Variants in RPTOR observed in about 807,000 individuals in gnomAD.
RPTOR encodes the protein regulatory associated protein of MTOR complex 1.
Under a neutral mutation model 169.9 loss-of-function variants are expected in RPTOR, and 21 were observed. That is an observed-to-expected ratio of 0.12 (90% CI 0.09 to 0.18). The LOEUF (loss-of-function observed/expected upper bound fraction) is 0.18. Ranked by LOEUF, RPTOR falls within the 10% of genes least tolerant of loss-of-function variation. RPTOR has a pLI of 1.00. For synonymous variants in RPTOR, 732 were observed against 753.2 expected, an observed-to-expected ratio of 0.97 and a Z score of 0.46; for missense variants, 1,133 against 1,855.9, an observed-to-expected ratio of 0.61 and a Z score of 7.16.
chr17:80,591,385 CTT>C (rs1006797112), intron 1 of RPTOR, among the ~76,000 whole-genome samples: 1 of 121,232 alleles, frequency 8.2e-6, no homozygotes. Flanking sequence ...TTCTTTTTTT[CTT>C]TTTTTTTTGG....
rs1255568707 is a variant in RPTOR at position 80,840,657 on chromosome 17, A to G, written c.1212+2660A>G. On this transcript the variant is annotated intron_variant, in intron 10 of 33. Coordinates refer to ENST00000306801, the MANE Select transcript of RPTOR (RefSeq NM_020761.3). ...CACCGCACGGCAGCTCACTCTCACC[A>G]CACCACAGCTCACTCTCACCACACG... 7.3e-3 allele frequency among the ~76,000 whole-genome samples: 312 copies of G among 42,614 alleles called. 1 individual carries two copies. The highest frequency in any genetic ancestry group is 0.012 in the Admixed American group (34 of 2,854). The allele number at this position is 42,614 out of a possible 152,430, so 28.0% of individuals were successfully genotyped here. A position where few individuals can be genotyped will look rare whatever the true frequency, so the allele number is the denominator to read the frequency against.
At position 80,818,882 on chromosome 17, in the gene RPTOR, A is replaced by T. The variant is rs377597451; in HGVS notation, c.891-3319A>T. On this transcript the variant is annotated intron_variant, in intron 7 of 33. Coordinates refer to ENST00000306801, the MANE Select transcript of RPTOR (RefSeq NM_020761.3). ...CTCCGTTTATCTTGATGGCTTGGCC[A>T]TCCAGTGACAGTGCTGGGGTGTGGG... Among the ~76,000 whole-genome samples the T allele has an allele frequency of 2.2e-4, 33 of 152,336 alleles. No individual in the cohort carries two copies. The East Asian group carries it at 6.2e-3, about 28-fold the overall frequency.
intron 7 of RPTOR, among the ~76,000 whole-genome samples, chr17:80,800,452 T>C (rs1282577152): frequency 1.3e-5 from 2 of 152,208 alleles, no homozygotes; most frequent in South Asian, 2.1e-4. Context: ...AGCACAAGAC[T>C]GGAGAGAAGA....
intron 24 of RPTOR, among the ~76,000 whole-genome samples, chr17:80,932,634 G>A (rs2144017509): frequency 6.6e-6 from 1 of 152,192 alleles, no homozygotes. Context: ...AAAAATCAGT[G>A]AATTTAAAGA....
At position 80,965,128 on chromosome 17, in the gene RPTOR, G is replaced by T. The variant is rs189504518; in HGVS notation, c.*798G>T. ...GGTAGCCCCTGCCTTAATCCACGGG[G>T]CTCCTTTCCCTCCGAAGGGCTGCTC... On this transcript the variant is annotated 3_prime_UTR_variant, in exon 34 of 34. Transcript: ENST00000306801. 1.2e-4 allele frequency: 27 copies of T among 233,342 alleles called. No individual in the cohort carries two copies. Among genetic ancestry groups the T allele is most frequent in the Non-Finnish European group, 1.9e-4 (23 of 118,078 alleles). 14.5% of individuals were successfully genotyped at this position (233,342 alleles called of 1,614,324 possible).
Position 80,712,986 on chromosome 17 carries a change from T to C in RPTOR, c.507+4987T>C, listed in dbSNP as rs142422605. ...TCTTTGATGAGGTATCTCTTCAGGT[T>C]TTTTGCCCATTTTAAGAATCAGGTT... On this transcript the variant is annotated intron_variant, in intron 4 of 33. Coordinates refer to ENST00000306801, the MANE Select transcript of RPTOR (RefSeq NM_020761.3). Among the ~76,000 whole-genome samples, 48 of 152,318 alleles carry C rather than the reference T, an allele frequency of 3.2e-4. No homozygotes were observed. The Middle Eastern group carries it at 0.01, about 32-fold the overall frequency.
chr17:80,856,550 C>G (rs1033361210), intron 12 of RPTOR, among the ~76,000 whole-genome samples: 2 of 152,174 alleles, frequency 1.3e-5, no homozygotes, highest in African/African-American at 4.8e-5. Flanking sequence ...TTGGAAGAAT[C>G]ATTCAGCACT....
At position 80,822,154 on chromosome 17, in the gene RPTOR, C is replaced by T. The variant is rs769703107; in HGVS notation, c.891-47C>T. 2.3e-5 allele frequency: 36 copies of T among 1,560,526 alleles called. No individual in the cohort carries two copies. The East Asian group carries it at 7.8e-4, about 34-fold the overall frequency. ...CTTGCAACCTCTCTTCCATTCCCTGCTCTCAGAGCTGTGGCATCACTCATG... is the reference window on the plus strand; with the variant it reads ...CTTGCAACCTCTCTTCCATTCCCTGTTCTCAGAGCTGTGGCATCACTCATG... On this transcript the variant is annotated intron_variant, in intron 7 of 33. Coordinates refer to ENST00000306801, the MANE Select transcript of RPTOR (RefSeq NM_020761.3).
At chr17:80,736,536 T>G (rs2143230236) in intron 5 of RPTOR, among the ~76,000 whole-genome samples, 1 of 152,346 alleles carries the variant, frequency 6.6e-6, no homozygotes, top group East Asian at 1.9e-4. Context: ...AAATAAATAT[T>G]GTAATTCTGC....
In RPTOR at chr17:80,860,756, C is replaced by G. The variant is rs2067909141; in HGVS notation, c.1509+2856C>G. On this transcript the variant is annotated intron_variant, in intron 13 of 33. Coordinates refer to ENST00000306801, the MANE Select transcript of RPTOR (RefSeq NM_020761.3). This position sits in a 1 kb window ranked among gnomAD's most constrained non-coding sequence, Gnocchi z 5.8. ...TTCCCTAGGATTTTATGTATATGCT[C>G]TCTCCAAGCAGAAGCAGCTTCCAGC... Among the ~76,000 whole-genome samples, 1 of 151,982 alleles carries G rather than the reference C, an allele frequency of 6.6e-6. No homozygotes were observed. Among genetic ancestry groups the G allele is most frequent in the Non-Finnish European group, 1.5e-5 (1 of 68,014 alleles).
chr17:80,837,227 G>A (rs1260111881), intron 9 of RPTOR, among the ~76,000 whole-genome samples: 1 of 152,170 alleles, frequency 6.6e-6, no homozygotes, highest in Non-Finnish European at 1.5e-5. Flanking sequence ...TGGAGCCACT[G>A]TGGCTTGGGG....
chr17:80,885,070 C>T lies in RPTOR; in HGVS notation c.1905C>T (p.Asp635=). 6.2e-7 allele frequency: 1 copy of T among 1,606,052 alleles called. No homozygotes were observed. The highest frequency in any genetic ancestry group is 8.5e-7 in the Non-Finnish European group (1 of 1,177,126). Residue 635 remains aspartate (D), a synonymous_variant, in exon 17 of 34, where the codon GAC becomes GAT. Coordinates refer to ENST00000306801, the MANE Select transcript of RPTOR (RefSeq NM_020761.3). The part of the protein sequence containing the change: ...TFVGNSAERT[D]HSTTIDHNVA... ...TGGGCAACTCTGCAGAGAGGACGGA[C>T]CACTCCACCACCATCGACCACAACG...
chr17:80,783,592 T>G (rs1168382211), intron 6 of RPTOR, among the ~76,000 whole-genome samples: 2 of 152,222 alleles, frequency 1.3e-5, no homozygotes, highest in African/African-American at 4.8e-5. Context: ...GAAGGTGTAT[T>G]CCATTGCCGG....
intron 3 of RPTOR, among the ~76,000 whole-genome samples, chr17:80,660,509 C>G (rs1008825350): frequency 1.3e-5 from 2 of 152,164 alleles, no homozygotes; most frequent in South Asian, 4.1e-4. Context: ...TGGCCACACT[C>G]TGAGGAGCAG....
At chr17:80,876,092 A>T (rs68073913) in intron 13 of RPTOR, among the ~76,000 whole-genome samples, 1 of 57,756 alleles carries the variant, frequency 1.7e-5, no homozygotes, top group African/African-American at 8.1e-5. Flanking sequence ...TGTGTGTGTC[A>T]CCTGCCGGGT....
At position 80,796,015 on chromosome 17, in the gene RPTOR, G is replaced by A. The variant is rs372125556; in HGVS notation, c.890+4506G>A. Among the ~76,000 whole-genome samples the A allele has an allele frequency of 2.2e-4, 33 of 152,294 alleles. No individual in the cohort carries two copies. In the East Asian group the frequency reaches 4.8e-3, roughly 22 times the overall value. ...GAGGCACCTACGACTCCCAGGCATC[G>A]TTGCCCTGGCCCCACCACAGTTAGA... On this transcript the variant is annotated intron_variant, in intron 7 of 33. Transcript: ENST00000306801.
chr17:80,873,236 C>G (rs1273278683), intron 13 of RPTOR, among the ~76,000 whole-genome samples: 2 of 152,154 alleles, frequency 1.3e-5, no homozygotes, highest in African/African-American at 2.4e-5. Flanking sequence ...CCAGCCCTGC[C>G]ACTGGGCACA....
chr17:80,681,764 A>C (rs2065900615), intron 3 of RPTOR, among the ~76,000 whole-genome samples: 2 of 116,140 alleles, frequency 1.7e-5, no homozygotes, highest in Non-Finnish European at 3.6e-5. Flanking sequence ...CACCTTCATG[A>C]GGTGTACGTC....
intron 4 of RPTOR, among the ~76,000 whole-genome samples, chr17:80,724,011 G>A (rs961809962): frequency 6.6e-6 from 1 of 151,370 alleles, no homozygotes; most frequent in South Asian, 2.1e-4. Context: ...TTCTGCAAGA[G>A]GTAACTTATG....
Sources: allele counts gnomAD v4.1 joint callset (sites outside exome capture counted in the v4.1 genomes callset), GRCh38; gene constraint gnomAD v4.1.1; non-coding constraint Gnocchi (gnomAD v3.1); transcripts MANE v1.5; gene names NCBI Gene and HGNC (gene_info 2026-07-23, HGNC 2026-07-21).